The following PRKAR2A variants were observed in gnomAD, a reference collection of about 807,000 sequenced individuals.
PRKAR2A encodes protein kinase cAMP-dependent type II regulatory subunit alpha.
Under a neutral mutation model 51.9 loss-of-function variants are expected in PRKAR2A, and 29 were observed. The observed-to-expected ratio is 0.56, with a 90% CI of 0.42 to 0.76. The LOEUF (loss-of-function observed/expected upper bound fraction) is 0.76, where lower values mean the gene tolerates loss of function less well. Ranked by LOEUF, PRKAR2A falls within the 30% of genes least tolerant of loss-of-function variation. The pLI is 0.00. For missense variants in PRKAR2A, 445 were observed against 512.1 expected (o/e 0.87, Z 1.26); for synonymous variants, 178 against 186.2 (o/e 0.96, Z 0.36).
At chr3:48,817,008 C>A (rs939170713) in intron 1 of PRKAR2A, among the ~76,000 whole-genome samples, 1 of 152,000 alleles carries the variant, frequency 6.6e-6, no homozygotes, top group African/African-American at 2.4e-5. Context: ...ATAGCAAGAT[C>A]TTATCTCTTT....
intron 10 of PRKAR2A, 43 bp from the exon 11 acceptor site, chr3:48,751,761 C>G (rs747977720): frequency 1.5e-5 from 24 of 1,581,306 alleles, no homozygotes; most frequent in South Asian, 1.1e-4. Flanking sequence ...GAATTCAAGC[C>G]ATTTCCCTCA....
chr3:48,758,311 GCTCATGC>G (rs2081806397), intron 8 of PRKAR2A, among the ~76,000 whole-genome samples: 1 of 151,410 alleles, frequency 6.6e-6, no homozygotes, highest in Non-Finnish European at 1.5e-5. Flanking sequence ...TGGTGCAGTG[GCTCATGC>G]CTATAATCCT....
At chr3:48,807,792 A>G (rs1330935548) in intron 1 of PRKAR2A, 108 bp from the exon 2 acceptor site, 1 of 807,400 alleles carries the variant, frequency 1.2e-6, no homozygotes, top group African/African-American at 1.7e-5. Context: ...CCTCAAAACC[A>G]AGCAGTGGGT....
chr3:48,820,777 G>A (rs1436562019), intron 1 of PRKAR2A, among the ~76,000 whole-genome samples: 1 of 152,150 alleles, frequency 6.6e-6, no homozygotes, highest in Non-Finnish European at 1.5e-5. Flanking sequence ...AAACAAGAAG[G>A]GGAGGACAGC....
chr3:48,800,663 C>T (rs919853331), intron 2 of PRKAR2A, among the ~76,000 whole-genome samples: 4 of 132,924 alleles, frequency 3.0e-5, no homozygotes, highest in Admixed American at 8.5e-5. Flanking sequence ...AATTGGAAGG[C>T]ATGGCTTTTC....
intron 6 of PRKAR2A, among the ~76,000 whole-genome samples, chr3:48,769,404 G>A (rs1323186975): frequency 2.0e-5 from 3 of 151,466 alleles, no homozygotes; most frequent in South Asian, 2.1e-4. Context: ...TGATCCGCCC[G>A]CCTTGGCCTC....
intron 6 of PRKAR2A, among the ~76,000 whole-genome samples, chr3:48,771,963 T>C (rs2082036171): frequency 6.6e-6 from 1 of 152,160 alleles, no homozygotes; most frequent in African/African-American, 2.4e-5. Context: ...AGATGGAGTT[T>C]TGCTTTTGTT....
chr3:48,785,822 C>T lies in PRKAR2A; in HGVS notation c.436-2730G>A, dbSNP rs183957885. Among the ~76,000 whole-genome samples the T allele has an allele frequency of 5.3e-5, 8 of 152,242 alleles. No individual in the cohort carries two copies. In the East Asian group the frequency reaches 1.5e-3, roughly 29 times the overall value. ...TACTCCTCTTTTCTTTTTCTCTGTACATAAACTTGCACACAAGAGAAAAAG... is the reference window on the plus strand; with the variant it reads ...TACTCCTCTTTTCTTTTTCTCTGTATATAAACTTGCACACAAGAGAAAAAG... On this transcript the variant is annotated intron_variant, in intron 4 of 10. Coordinates refer to ENST00000265563, the MANE Select transcript of PRKAR2A (RefSeq NM_004157.4).
At chr3:48,828,045 T>C (rs2083098442) in intron 1 of PRKAR2A, among the ~76,000 whole-genome samples, 1 of 152,114 alleles carries the variant, frequency 6.6e-6, no homozygotes, top group Non-Finnish European at 1.5e-5. Context: ...TTTGTATCTT[T>C]ACTAGAGATG....
intron 1 of PRKAR2A, among the ~76,000 whole-genome samples, chr3:48,828,536 T>C (rs565195861): frequency 2.0e-5 from 3 of 151,800 alleles, no homozygotes; most frequent in East Asian, 3.9e-4. Flanking sequence ...CAAGGCAACA[T>C]GGTGAGACTC....
chr3:48,836,967 C>CA (rs981784407), intron 1 of PRKAR2A, among the ~76,000 whole-genome samples: 2 of 151,854 alleles, frequency 1.3e-5, no homozygotes, highest in African/African-American at 4.8e-5. Context: ...CCCATCTCCA[C>CA]AAAAAATACA....
chr3:48,829,872 T>TATATATA (rs1491401730), intron 1 of PRKAR2A, among the ~76,000 whole-genome samples: 1,624 of 59,554 alleles, frequency 0.027, 21 homozygotes, highest in South Asian at 0.032. Flanking sequence ...TATATATATA[T>TATATATA]TTTTTTTTTT....
intron 1 of PRKAR2A, among the ~76,000 whole-genome samples, chr3:48,828,958 C>T (rs371825508): frequency 6.6e-6 from 1 of 151,692 alleles, no homozygotes; most frequent in East Asian, 2.0e-4. Context: ...CTCAGCCTCC[C>T]GAGTAGCTAG....
chr3:48,835,498 G>A (rs182728913), intron 1 of PRKAR2A, among the ~76,000 whole-genome samples: 6 of 151,854 alleles, frequency 4.0e-5, no homozygotes, highest in South Asian at 4.2e-4. Context: ...AAAATTAGGC[G>A]GGCGTGGTGG....
At chr3:48,821,769 A>G (rs1176529338) in intron 1 of PRKAR2A, among the ~76,000 whole-genome samples, 3 of 150,850 alleles carry the variant, frequency 2.0e-5, no homozygotes, top group Non-Finnish European at 4.4e-5. Flanking sequence ...TACAAAAACT[A>G]GCCGGGCATG....
At chr3:48,829,468 A>G (rs974417316) in intron 1 of PRKAR2A, among the ~76,000 whole-genome samples, 2 of 151,192 alleles carry the variant, frequency 1.3e-5, no homozygotes, top group Non-Finnish European at 2.9e-5. Context: ...GCAGTGAGCC[A>G]AGATCATGCC....
chr3:48,783,184 A>T, intron 4 of PRKAR2A, 92 bp from the exon 5 acceptor site: 1 of 807,198 alleles, frequency 1.2e-6, no homozygotes, highest in South Asian at 1.5e-5. Flanking sequence ...ACTATGTAAC[A>T]GAAGTCCCCA....
At chr3:48,793,951 T>G in intron 3 of PRKAR2A, 46 bp downstream of exon 3, 81 of 1,451,082 alleles carry the variant, frequency 5.6e-5, no homozygotes, top group Non-Finnish European at 7.5e-5. Context: ...GGGGAGTTAA[T>G]GAGAAATAGA....
chr3:48,836,148 G>C (rs1007688237), intron 1 of PRKAR2A, among the ~76,000 whole-genome samples: 1 of 151,942 alleles, frequency 6.6e-6, no homozygotes, highest in South Asian at 2.1e-4. Flanking sequence ...GGCCAGGCAC[G>C]GTGGCTCATG....
Sources: allele counts gnomAD v4.1 joint callset (sites outside exome capture counted in the v4.1 genomes callset), GRCh38; gene constraint gnomAD v4.1.1; transcripts MANE v1.5; gene names NCBI Gene and HGNC (gene_info 2026-07-23, HGNC 2026-07-21).